GLIS1: variants seen among roughly 807,000 people sequenced by gnomAD.
GLIS1 encodes GLIS family zinc finger 1, also known as zinc finger protein GLIS1.
GLIS1 carries 24 observed loss-of-function variants against 63.8 expected under a neutral mutation model. The ratio of observed to expected loss-of-function variants is 0.38; its 90% CI spans 0.27 to 0.53. The LOEUF (loss-of-function observed/expected upper bound fraction) is 0.53, where lower values mean the gene tolerates loss of function less well. Ranked by LOEUF, GLIS1 falls within the 20% of genes least tolerant of loss-of-function variation. The probability of loss-of-function intolerance (pLI) is 0.85; values close to 1 mark genes in which losing one functional copy is unlikely to be tolerated. For synonymous variants in GLIS1, 450 were observed against 482.5 expected (o/e 0.93, Z 0.88); for missense variants, 1,036 against 1,074.1 (o/e 0.96, Z 0.50).
chr1:53,720,218 C>T (rs1646739943), intron 2 of GLIS1, among the ~76,000 whole-genome samples: 1 of 152,298 alleles, frequency 6.6e-6, no homozygotes, highest in East Asian at 1.9e-4. Context: ...ATCACCATTA[C>T]AGCACTATTC....
At chr1:53,606,613 C>G (rs913760473) in intron 2 of GLIS1, among the ~76,000 whole-genome samples, 2 of 152,216 alleles carry the variant, frequency 1.3e-5, no homozygotes, top group Non-Finnish European at 1.5e-5. Flanking sequence ...AATCCAGAAG[C>G]CCAGAGACCA....
intron 2 of GLIS1, among the ~76,000 whole-genome samples, chr1:53,633,617 G>T (rs185232973): frequency 6.6e-6 from 1 of 152,038 alleles, no homozygotes; most frequent in Non-Finnish European, 1.5e-5. Context: ...TTAGGACTTC[G>T]TGAGTTTTAG....
At chr1:53,519,261 C>A (rs495906) in intron 7 of GLIS1, among the ~76,000 whole-genome samples, 2 of 151,998 alleles carry the variant, frequency 1.3e-5, no homozygotes, top group Admixed American at 6.5e-5. Flanking sequence ...GACCCTCCCC[C>A]AGGCATCCAT....
chr1:53,695,371 G>C (rs1022662085), intron 2 of GLIS1, among the ~76,000 whole-genome samples: 3 of 152,252 alleles, frequency 2.0e-5, no homozygotes, highest in Non-Finnish European at 4.4e-5. Flanking sequence ...CGGCATGAGA[G>C]AGAAGCAGAG....
chr1:53,722,341 A>G (rs549568784), intron 2 of GLIS1, among the ~76,000 whole-genome samples: 2 of 152,348 alleles, frequency 1.3e-5, no homozygotes, highest in East Asian at 1.9e-4. Context: ...CATTAGCTTT[A>G]CTGGGGGAAA....
In GLIS1 at chr1:53,539,444, A is replaced by G. The variant is rs767305847; in HGVS notation, c.1321-9492T>C. ...CCACACACACACCATACCACACATC[A>G]CAGCACACCCCCAATACATACACAT... On this transcript the variant is annotated intron_variant, in intron 4 of 10. Transcript: ENST00000628545. This position sits in a 1 kb window ranked among gnomAD's most constrained non-coding sequence, Gnocchi z 5.0. 8.7e-5 allele frequency among the ~76,000 whole-genome samples: 13 copies of G among 150,224 alleles called. No homozygotes were observed. The highest frequency in any genetic ancestry group is 1.5e-4 in the Non-Finnish European group (10 of 67,522).
intron 4 of GLIS1, among the ~76,000 whole-genome samples, chr1:53,531,875 C>T (rs1644534567): frequency 6.6e-6 from 1 of 152,190 alleles, no homozygotes; most frequent in African/African-American, 2.4e-5. Context: ...CTGTCTCTGG[C>T]CCTGCCCGAG....
chr1:53,550,911 C>T (rs575579725), intron 4 of GLIS1, among the ~76,000 whole-genome samples: 10 of 152,206 alleles, frequency 6.6e-5, no homozygotes, highest in Admixed American at 2.0e-4. Context: ...AGTGCAATGG[C>T]GCGATCTCGG....
At chr1:53,549,780 T>G (rs1644739948) in intron 4 of GLIS1, among the ~76,000 whole-genome samples, 2 of 152,222 alleles carry the variant, frequency 1.3e-5, no homozygotes, top group Non-Finnish European at 2.9e-5. Context: ...CAAGTGCTTG[T>G]ATGTGTATTA....
At position 53,737,890 on chromosome 1, in the gene GLIS1, C is replaced by G; in HGVS notation, c.175G>C (p.Ala59Pro). The change falls in exon 2 of 11, where the codon GCG (alanine) becomes CCG (proline). Residue 59 changes from alanine (A) to proline (P), a missense_variant. Ala to Pro is a conservative substitution (Grantham distance 27, BLOSUM62 -1). This residue lies in a region of GLIS1 where 592 missense variants were observed against 593.9 expected (regional missense o/e 1.00). Coordinates refer to ENST00000628545, the MANE Select transcript of GLIS1 (RefSeq NM_001367484.1). ...AGGTCGTGGGCGCGCGGTGGCGGCG[C>G]AGGCGGCCGGGCTAGCAGGTCCCGC... ...GPRDLLARPP[A>P]PPPRAHDLLR... is the part of the protein sequence containing the mutation. 1 of 1,230,714 alleles carries G rather than the reference C, an allele frequency of 8.1e-7. No homozygotes were observed. Among genetic ancestry groups the G allele is most frequent in the Non-Finnish European group, 1.0e-6 (1 of 987,254 alleles). 76.2% of individuals were successfully genotyped at this position (1,230,714 alleles called of 1,614,324 possible). A position where few individuals can be genotyped will look rare whatever the true frequency, so the allele number is the denominator to read the frequency against.
intron 2 of GLIS1, among the ~76,000 whole-genome samples, chr1:53,724,504 A>G (rs998218209): frequency 1.3e-5 from 2 of 152,160 alleles, no homozygotes; most frequent in Admixed American, 6.6e-5. Context: ...GGTAGTTTTA[A>G]GATTAAACAA....
intron 2 of GLIS1, among the ~76,000 whole-genome samples, chr1:53,680,259 C>T (rs1006534872): frequency 6.6e-6 from 1 of 152,198 alleles, no homozygotes; most frequent in Non-Finnish European, 1.5e-5. Flanking sequence ...AGGAGGGAGA[C>T]TTCCATCACA....
chr1:53,640,966 G>GGAACA (rs1645781215), intron 2 of GLIS1, among the ~76,000 whole-genome samples: 1 of 152,128 alleles, frequency 6.6e-6, no homozygotes, highest in Non-Finnish European at 1.5e-5. Context: ...GCCTCTGGAG[G>GGAACA]GAACAGAACC....
Position 53,506,371 on chromosome 1 carries a change from A to C in GLIS1, c.*248T>G. 4.0e-6 allele frequency: 2 copies of C among 497,874 alleles called. No homozygotes were observed. Among genetic ancestry groups the C allele is most frequent in the Non-Finnish European group, 7.1e-6 (2 of 280,000 alleles). The allele number at this position is 497,874 out of a possible 1,614,324, so 30.8% of individuals were successfully genotyped here. A position where few individuals can be genotyped will look rare whatever the true frequency, so the allele number is the denominator to read the frequency against. On this transcript the variant is annotated 3_prime_UTR_variant, in exon 11 of 11. Transcript: ENST00000628545. ...AAAACCACTGCGGGGAGGAACGGGA[A>C]GACAAGATCGAGGGAATGTTACAGG...
intron 2 of GLIS1, among the ~76,000 whole-genome samples, chr1:53,698,311 C>G (rs899562801): frequency 4.6e-5 from 7 of 152,258 alleles, no homozygotes; most frequent in African/African-American, 1.2e-4. Context: ...GATTTTCCAC[C>G]TGGAAGACTT....
chr1:53,643,721 C>T (rs1645812229), intron 2 of GLIS1, among the ~76,000 whole-genome samples: 1 of 152,204 alleles, frequency 6.6e-6, no homozygotes, highest in Non-Finnish European at 1.5e-5. Context: ...TCCTCCTACC[C>T]CAGGGCTACG....
rs745712630 is a variant in GLIS1, at chr1:53,594,810, G to A, written c.618C>T (p.Leu206=). The A allele has an allele frequency of 1.8e-5, 29 of 1,606,744 alleles. No homozygotes were observed. Among genetic ancestry groups the A allele is most frequent in the Middle Eastern group, 1.8e-4 (1 of 5,586 alleles). The change falls in exon 4 of 11, where the codon CTC becomes CTT. Residue 206 remains leucine (L), a synonymous_variant. Coordinates refer to ENST00000628545, the MANE Select transcript of GLIS1 (RefSeq NM_001367484.1). ...HPDLDLPGRS[L]ATPAPSCYLL... ...GGTAGCAGGAAGGCGCAGGGGTGGCGAGGCTTCGGCCCGGGAGGTCCAGGT... is the reference window on the plus strand; with the variant it reads ...GGTAGCAGGAAGGCGCAGGGGTGGCAAGGCTTCGGCCCGGGAGGTCCAGGT...
intron 2 of GLIS1, among the ~76,000 whole-genome samples, chr1:53,680,040 A>G (rs1470882016): frequency 1.3e-5 from 2 of 152,206 alleles, no homozygotes; most frequent in South Asian, 2.1e-4. Context: ...TGAACTCCTC[A>G]AGGTCAGGTG....
At chr1:53,615,136 C>A (rs1358507262) in intron 2 of GLIS1, among the ~76,000 whole-genome samples, 1 of 152,146 alleles carries the variant, frequency 6.6e-6, no homozygotes, top group Non-Finnish European at 1.5e-5. Flanking sequence ...TGAATAGTTC[C>A]CTGTCCCTCC....
Sources: allele counts gnomAD v4.1 joint callset (sites outside exome capture counted in the v4.1 genomes callset), GRCh38; gene constraint gnomAD v4.1.1; regional missense constraint gnomAD v4.1.1; non-coding constraint Gnocchi (gnomAD v3.1); transcripts MANE v1.5; gene names NCBI Gene and HGNC (gene_info 2026-07-23, HGNC 2026-07-21).